TIAM1: variants seen among roughly 807,000 people sequenced by gnomAD.
TIAM1 encodes rho guanine nucleotide exchange factor TIAM1.
A neutral mutation model predicts 163.5 loss-of-function variants in TIAM1; 65 were observed. That is an observed-to-expected ratio of 0.40 (90% CI 0.33 to 0.49). TIAM1 has a LOEUF of 0.49. Ranked by LOEUF, TIAM1 falls within the 20% of genes least tolerant of loss-of-function variation. The probability of loss-of-function intolerance (pLI) is 0.77; values close to 1 mark genes in which losing one functional copy is unlikely to be tolerated. For synonymous variants in TIAM1, 833 were observed against 810.1 expected, an observed-to-expected ratio of 1.03 and a Z score of -0.48; for missense variants, 1,789 against 2,044.7, an observed-to-expected ratio of 0.87 and a Z score of 2.41.
rs35725090 is a variant in TIAM1 at position 31,453,586 on chromosome 21, G to C, written c.-369+10397C>G. Reference sequence around the variant, plus strand: ...CGCACGCCTGTAGTCCCAGCTACTCGGGAGGCTGAGGCAGGAGAATTGCTT... The same window carrying C: ...CGCACGCCTGTAGTCCCAGCTACTCCGGAGGCTGAGGCAGGAGAATTGCTT... On this transcript the variant is annotated intron_variant, in intron 2 of 28. Transcript: ENST00000286827. Among the ~76,000 whole-genome samples the C allele has an allele frequency of 5.9e-4, 89 of 152,066 alleles. 1 individual carries two copies. In the East Asian group the frequency reaches 0.015, roughly 25 times the overall value.
chr21:31,260,889 C>CT (rs772427045), intron 4 of TIAM1, among the ~76,000 whole-genome samples: 8 of 152,126 alleles, frequency 5.3e-5, no homozygotes, highest in Non-Finnish European at 7.4e-5. Context: ...TGGTCCCTGT[C>CT]TTTATCTAAG....
At chr21:31,337,031 G>A (rs962560418) in intron 2 of TIAM1, among the ~76,000 whole-genome samples, 8 of 152,164 alleles carry the variant, frequency 5.3e-5, no homozygotes, top group South Asian at 2.1e-4. Context: ...ACAATAGCAC[G>A]GTGATCAAGA....
At chr21:31,464,442 T>A (rs1356898532) in intron 1 of TIAM1, among the ~76,000 whole-genome samples, 1 of 152,166 alleles carries the variant, frequency 6.6e-6, no homozygotes, top group East Asian at 1.9e-4. Flanking sequence ...GGCGCAGTGG[T>A]TCACACCCTA....
At chr21:31,255,553 AG>A (rs1481925026) in intron 4 of TIAM1, among the ~76,000 whole-genome samples, 1 of 152,182 alleles carries the variant, frequency 6.6e-6, no homozygotes, top group African/African-American at 2.4e-5. Flanking sequence ...CTATCCCAGA[AG>A]CACCTGTAAA....
chr21:31,285,558 A>G (rs2073770303), intron 2 of TIAM1, among the ~76,000 whole-genome samples: 1 of 152,156 alleles, frequency 6.6e-6, no homozygotes, highest in Non-Finnish European at 1.5e-5. Flanking sequence ...TTAACAGAAC[A>G]TGGTTAAAGA....
intron 25 of TIAM1, among the ~76,000 whole-genome samples, chr21:31,127,756 T>C (rs2082265804): frequency 6.6e-6 from 1 of 152,216 alleles, no homozygotes; most frequent in Non-Finnish European, 1.5e-5. Context: ...TTAACTGAAC[T>C]GTGCATTTCA....
intron 2 of TIAM1, among the ~76,000 whole-genome samples, chr21:31,353,580 G>A (rs2147121041): frequency 6.6e-6 from 1 of 152,196 alleles, no homozygotes; most frequent in South Asian, 2.1e-4. Context: ...TGGTCCTCAT[G>A]ACAGCTCAGC....
chr21:31,247,426 C>T (rs1003566390), intron 5 of TIAM1, among the ~76,000 whole-genome samples: 5 of 151,622 alleles, frequency 3.3e-5, no homozygotes, highest in Non-Finnish European at 5.9e-5. Context: ...ATATGGGGTC[C>T]CACTGTTGCT....
At chr21:31,137,558 T>C (rs1009651812) in intron 22 of TIAM1, among the ~76,000 whole-genome samples, 2 of 152,052 alleles carry the variant, frequency 1.3e-5, no homozygotes, top group African/African-American at 2.4e-5. Flanking sequence ...TGGGAGTACG[T>C]CTTTAAAAGT....
intron 1 of TIAM1, among the ~76,000 whole-genome samples, chr21:31,492,083 T>C (rs12626824): frequency 0.32 from 48,052 of 151,936 alleles, 8,365 homozygotes; most frequent in East Asian, 0.7. Flanking sequence ...TATATGTATG[T>C]ATATGTATAT....
chr21:31,394,166 G>A (rs747849683), intron 2 of TIAM1, among the ~76,000 whole-genome samples: 7 of 152,110 alleles, frequency 4.6e-5, no homozygotes, highest in Non-Finnish European at 1.5e-5. Flanking sequence ...AATATTATCC[G>A]GCACTGAGAA....
At chr21:31,225,618 G>T in intron 7 of TIAM1, 108 bp downstream of exon 7, 2 of 858,088 alleles carry the variant, frequency 2.3e-6, no homozygotes, top group Non-Finnish European at 3.6e-6. Flanking sequence ...ACAGGCTGTC[G>T]AGGAGATATC....
At chr21:31,249,542 T>C (rs1294520213) in intron 5 of TIAM1, among the ~76,000 whole-genome samples, 2 of 152,140 alleles carry the variant, frequency 1.3e-5, no homozygotes, top group African/African-American at 4.8e-5. Context: ...GATCAAGCTA[T>C]TAAGAACTTG....
At position 31,340,810 on chromosome 21, in the gene TIAM1, A is replaced by T. The variant is rs538548426; in HGVS notation, c.-368-1388T>A. Among the ~76,000 whole-genome samples, 127 of 152,256 alleles carry T rather than the reference A, an allele frequency of 8.3e-4. 2 individuals carry two copies. Among genetic ancestry groups the T allele is most frequent in the Admixed American group, 8.2e-3 (126 of 15,292 alleles). On this transcript the variant is annotated intron_variant, in intron 1 of 27. Coordinates refer to ENST00000541036, the MANE Select transcript of TIAM1 (RefSeq NM_001353694.2). Reference sequence around the variant, plus strand: ...AAAGGCAGGCAAAAAAAAAGGAAAGAAAAAAACAACAGAGCAGAGCAGTGG... The same window carrying T: ...AAAGGCAGGCAAAAAAAAAGGAAAGTAAAAAACAACAGAGCAGAGCAGTGG...
intron 2 of TIAM1, among the ~76,000 whole-genome samples, chr21:31,403,118 C>T (rs1217988522): frequency 6.6e-6 from 1 of 152,050 alleles, no homozygotes; most frequent in South Asian, 2.1e-4. Context: ...TTGAATTATC[C>T]CAAGGTTAAC....
At chr21:31,289,930 T>G (rs2073952102) in intron 2 of TIAM1, among the ~76,000 whole-genome samples, 2 of 152,120 alleles carry the variant, frequency 1.3e-5, no homozygotes, top group African/African-American at 4.8e-5. Context: ...AAACAGACAC[T>G]AGGCTTGCCC....
intron 1 of TIAM1, among the ~76,000 whole-genome samples, chr21:31,475,405 G>A (rs901395919): frequency 1.1e-4 from 16 of 152,088 alleles, no homozygotes; most frequent in Non-Finnish European, 2.2e-4. Context: ...TCTGAAACTC[G>A]TCCTCTTCAT....
intron 1 of TIAM1, among the ~76,000 whole-genome samples, chr21:31,511,072 T>C (rs2047196206): frequency 6.6e-6 from 1 of 152,138 alleles, no homozygotes; most frequent in Non-Finnish European, 1.5e-5. Context: ...CACCATAAGT[T>C]AGGAAAAGGC....
At chr21:31,234,281 A>G (rs890818744) in intron 6 of TIAM1, among the ~76,000 whole-genome samples, 1 of 151,068 alleles carries the variant, frequency 6.6e-6, no homozygotes, top group African/African-American at 2.4e-5. Context: ...TACAGGTTAC[A>G]ATAAAAAGGA....
Sources: allele counts gnomAD v4.1 joint callset (sites outside exome capture counted in the v4.1 genomes callset), GRCh38; gene constraint gnomAD v4.1.1; transcripts MANE v1.5; gene names NCBI Gene and HGNC (gene_info 2026-07-23, HGNC 2026-07-21).